The following PLXNA3 variants were observed in gnomAD, a reference collection of about 807,000 sequenced individuals.
PLXNA3 encodes the protein plexin-A3.
A neutral mutation model predicts 118.8 loss-of-function variants in PLXNA3; 52 were observed. The ratio of observed to expected loss-of-function variants is 0.44; its 90% CI spans 0.35 to 0.55. The LOEUF (loss-of-function observed/expected upper bound fraction) is 0.55, where lower values mean the gene tolerates loss of function less well. PLXNA3 is among the 20% of genes least tolerant of loss of function. PLXNA3 has a pLI of 0.01. For synonymous variants in PLXNA3, 925 were observed against 762.4 expected (o/e 1.21, Z -3.51); for missense variants, 1,660 against 1,730.8 (o/e 0.96, Z 0.73).
chrX:154,461,995 A>G (rs1396589106), intron 3 of PLXNA3, 133 bp from the exon 4 acceptor site: 5 of 522,517 alleles, frequency 9.6e-6, no homozygotes, highest in African/African-American at 7.1e-5. Context: ...GGAGCACCCT[A>G]GGGCGAGCAG....
chrX:154,466,470 G>C lies in PLXNA3; in HGVS notation c.2894G>C (p.Arg965Thr). The C allele has an allele frequency of 2.5e-6, 3 of 1,210,529 alleles. No homozygotes were observed. Among genetic ancestry groups the C allele is most frequent in the Non-Finnish European group, 3.4e-6 (3 of 895,002 alleles). ...GGCAGCTCTCTGGATGCTGGCAGCA[G>C]GGTCACAGTGACTGTGAGGGACAGC... Reference protein sequence around the residue: ...ISGSSLDAGSRVTVTVRDSEC... With the variant: ...ISGSSLDAGSTVTVTVRDSEC... Residue 965 changes from arginine (R) to threonine (T), a missense_variant, in exon 16 of 33, where the codon AGG becomes ACG. Physicochemically the swap from Arg to Thr is moderately conservative, Grantham distance 71 (BLOSUM62 -1). This residue lies in a region of PLXNA3 where 869 missense variants were observed against 1,078.7 expected (regional missense o/e 0.81). Transcript: ENST00000369682.
chrX:154,464,515 C>A lies in PLXNA3; in HGVS notation c.1928+14C>A. On this transcript the variant is annotated intron_variant, in intron 9 of 32. Coordinates refer to ENST00000369682, the MANE Select transcript of PLXNA3 (RefSeq NM_017514.5). Reference sequence around the variant, plus strand: ...CGTCCTCCAGTCGTGAGTACCTGGCCAGCACCCGTCCCTACCCCTGGGGAT... The same window carrying A: ...CGTCCTCCAGTCGTGAGTACCTGGCAAGCACCCGTCCCTACCCCTGGGGAT... 1 of 1,171,425 alleles carries A rather than the reference C, an allele frequency of 8.5e-7. No individual in the cohort carries two copies. The highest frequency in any genetic ancestry group is 1.2e-6 in the Non-Finnish European group (1 of 859,881).
chrX:154,472,478 A>G, intron 32 of PLXNA3, 112 bp from the exon 33 acceptor site: 1 of 529,273 alleles, frequency 1.9e-6, no homozygotes, highest in Non-Finnish European at 3.4e-6. Flanking sequence ...GCGGGGGAGG[A>G]CGGAGGGATG....
chrX:154,463,462 C>G lies in PLXNA3; in HGVS notation c.1389C>G (p.Leu463=). ...CCGTGGTGGATGGCAGCCCCATCCT[C>G]CGAGACCTGCTCTTCAGCCCGGACC... ...TVPVVDGSPI[L]RDLLFSPDHR... is the part of the protein sequence containing the mutation. The change falls in exon 5 of 33, where the codon CTC becomes CTG. Residue 463 remains leucine (L), a synonymous_variant. Transcript: ENST00000369682. The G allele has an allele frequency of 8.3e-7, 1 of 1,209,514 alleles. No homozygotes were observed. Among genetic ancestry groups the G allele is most frequent in the Non-Finnish European group, 1.1e-6 (1 of 894,858 alleles).
rs1557207291 is a variant in PLXNA3, at chrX:154,466,744, A to T, written c.3058A>T (p.Thr1020Ser). 5 of 1,194,277 alleles carry T rather than the reference A, an allele frequency of 4.2e-6. No individual in the cohort carries two copies. The highest frequency in any genetic ancestry group is 5.6e-6 in the Non-Finnish European group (5 of 886,838). Residue 1020 changes from threonine (T) to serine (S), a missense_variant, in exon 17 of 33, where the codon ACT (threonine) becomes TCT (serine). By Grantham distance (58) the Thr-to-Ser change is moderately conservative. This residue lies in a region of PLXNA3 where 869 missense variants were observed against 1,078.7 expected (regional missense o/e 0.81). Coordinates refer to ENST00000369682, the MANE Select transcript of PLXNA3 (RefSeq NM_017514.5). ...ISSPGLIYTY[T>S]QDPTVTRLEP... ...CAGCCCCGGGCTCATCTACACCTACACTCAGGACCCCACCGTCACCCGCCT... is the reference window on the plus strand; with the variant it reads ...CAGCCCCGGGCTCATCTACACCTACTCTCAGGACCCCACCGTCACCCGCCT...
At chrX:154,461,007 A>G in intron 2 of PLXNA3, 92 bp from the exon 3 acceptor site, 1 of 849,056 alleles carries the variant, frequency 1.2e-6, no homozygotes. Context: ...GTGATCATCC[A>G]GGCGGGAGGG....
chrX:154,469,954 G>A, intron 28 of PLXNA3, 23 bp from the exon 29 acceptor site: 1 of 1,205,492 alleles, frequency 8.3e-7, no homozygotes. Flanking sequence ...TGGCCTAAGG[G>A]TCACATGCAT....
Position 154,476,111 on chromosome X carries a change from A to G in PLXNA3, c.*3426A>G, listed in dbSNP as rs1406942280. ...GGCTGCAGTGAGCTGTGATTGTGCCAGCCTAGGTGACAGAGCCAGACCCTG... is the reference window on the plus strand; with the variant it reads ...GGCTGCAGTGAGCTGTGATTGTGCCGGCCTAGGTGACAGAGCCAGACCCTG... On this transcript the variant is annotated 3_prime_UTR_variant, in exon 33 of 33. Coordinates refer to ENST00000369682, the MANE Select transcript of PLXNA3 (RefSeq NM_017514.5). The G allele has an allele frequency of 9.0e-6, 1 of 111,682 alleles. No individual in the cohort carries two copies. The highest frequency in any genetic ancestry group is 1.9e-5 in the Non-Finnish European group (1 of 53,069). 9.2% of individuals were successfully genotyped at this position (111,682 alleles called of 1,213,427 possible). A position where few individuals can be genotyped will look rare whatever the true frequency, so the allele number is the denominator to read the frequency against.
chrX:154,462,419 G>A (rs1156290904), intron 4 of PLXNA3, 109 bp downstream of exon 4: 6 of 609,351 alleles, frequency 9.8e-6, no homozygotes, highest in Non-Finnish European at 1.4e-5. Context: ...AGAGGACACG[G>A]CTGGTGCAGG....
chrX:154,460,916 C>T (rs1014644066), intron 2 of PLXNA3, 139 bp downstream of exon 2: 47 of 622,524 alleles, frequency 7.5e-5, no homozygotes, highest in Non-Finnish European at 1.1e-4. Context: ...GGATGACAGC[C>T]TGAACCCAGG....
rs1557208379 is a variant in PLXNA3, at chrX:154,468,816, G to T, written c.4288-7G>T. ...GCAGCCAGCTGTGCACCTGTCCCTG[G>T]CTGCAGGAGTGTGCTGGGGAGCCTC... On this transcript the variant is annotated splice_region_variant and splice_polypyrimidine_tract_variant and intron_variant, in intron 24 of 32. Coordinates refer to ENST00000369682, the MANE Select transcript of PLXNA3 (RefSeq NM_017514.5). 2.5e-6 allele frequency: 3 copies of T among 1,210,132 alleles called. No individual in the cohort carries two copies. Among genetic ancestry groups the T allele is most frequent in the East Asian group, 5.9e-5 (2 of 33,781 alleles).
Position 154,460,480 on chromosome X carries a change from G to C in PLXNA3, c.297G>C (p.Leu99=). The part of the protein sequence containing the change: ...RLAPVDNINK[L]LLIDYAARRL... ...CCCCCGTGGACAACATCAACAAGCTGCTGCTCATAGACTATGCGGCCCGCC... is the reference window on the plus strand; with the variant it reads ...CCCCCGTGGACAACATCAACAAGCTCCTGCTCATAGACTATGCGGCCCGCC... The change falls in exon 2 of 33, where the codon CTG becomes CTC. Residue 99 remains leucine, a synonymous_variant. Transcript: ENST00000369682. 1 of 1,208,016 alleles carries C rather than the reference G, an allele frequency of 8.3e-7. No individual in the cohort carries two copies. Among genetic ancestry groups the C allele is most frequent in the Non-Finnish European group, 1.1e-6 (1 of 893,309 alleles).
intron 6 of PLXNA3, 102 bp downstream of exon 6, chrX:154,463,792 C>G: frequency 1.0e-6 from 1 of 974,226 alleles, no homozygotes; most frequent in South Asian, 2.2e-5. Flanking sequence ...CGCCCTCCTC[C>G]ACTTTCTCCA....
intron 11 of PLXNA3, 51 bp from the exon 12 acceptor site, chrX:154,465,373 G>T (rs957365141): frequency 7.3e-6 from 8 of 1,090,028 alleles, no homozygotes; most frequent in Non-Finnish European, 1.0e-5. Flanking sequence ...AAAATCTTGG[G>T]TAGGGGTTCT....
In PLXNA3 at chrX:154,467,286, C is replaced by T; in HGVS notation, c.3256C>T (p.Leu1086Phe). Reference sequence around the variant, plus strand: ...GCTGTGTAAGGCCCCCGGCATCTTTCTTGGGCGGCCCCAGCCTCGGGCGCA... The same window carrying T: ...GCTGTGTAAGGCCCCCGGCATCTTTTTTGGGCGGCCCCAGCCTCGGGCGCA... ...AMLCKAPGIF[L>F]GRPQPRAQGE... The change falls in exon 19 of 33, where the codon CTT becomes TTT. Residue 1086 changes from leucine (L) to phenylalanine (F), a missense_variant. Transcript: ENST00000369682. The T allele has an allele frequency of 1.7e-6, 2 of 1,209,428 alleles. No homozygotes were observed. Among genetic ancestry groups the T allele is most frequent in the Non-Finnish European group, 2.2e-6 (2 of 895,324 alleles).
chrX:154,465,028 A>G lies in PLXNA3; in HGVS notation c.2054A>G (p.Glu685Gly). Reference protein sequence around the residue: ...GRVHSPEGCPEILPSGDLLIP... With the variant: ...GRVHSPEGCPGILPSGDLLIP... ...GTGCTTTCCCCGCAGGGCTGCCCTG[A>G]GATCCTGCCCAGTGGGGACCTCCTG... Residue 685 changes from glutamate to glycine, a missense_variant, in exon 11 of 33, where the codon GAG becomes GGG. This residue lies in a region of PLXNA3 where 791 missense variants were observed against 652.1 expected (regional missense o/e 1.21). Transcript: ENST00000369682. 8.3e-7 allele frequency: 1 copy of G among 1,202,608 alleles called. No homozygotes were observed. Among genetic ancestry groups the G allele is most frequent in the African/African-American group, 1.7e-5 (1 of 57,639 alleles).
In PLXNA3 at chrX:154,466,968, G is replaced by T. The variant is rs782623832; in HGVS notation, c.3108-89G>T. On this transcript the variant is annotated intron_variant, in intron 17 of 32. Transcript: ENST00000369682. ...ACTAGGCGATCCAGGGTCAGGGAAG[G>T]CCTGGGCTGCCATGGCAGCCTTGAT... 1.8e-4 allele frequency: 170 copies of T among 932,869 alleles called. No individual in the cohort carries two copies. In the African/African-American group the frequency reaches 2.4e-3, roughly 13 times the overall value. The allele number at this position is 932,869 out of a possible 1,213,427, so 76.9% of individuals were successfully genotyped here. A position where few individuals can be genotyped will look rare whatever the true frequency, so the allele number is the denominator to read the frequency against.
intron 11 of PLXNA3, 34 bp from the exon 12 acceptor site, chrX:154,465,390 C>T (rs782529914): frequency 4.4e-6 from 5 of 1,135,944 alleles, no homozygotes; most frequent in Non-Finnish European, 6.0e-6. Context: ...TTCTGCACAT[C>T]TTATCTGGGG....
chrX:154,463,312 C>T lies in PLXNA3; in HGVS notation c.1318-79C>T, dbSNP rs1208228166. The stretch of plus-strand genomic sequence containing the variant: ...GTCCTGACGTCAGCTCAGCCACAAC[C>T]TCCAAAGTCTTTGGCTGGAGAAGAC... On this transcript the variant is annotated intron_variant, in intron 4 of 32. Coordinates refer to ENST00000369682, the MANE Select transcript of PLXNA3 (RefSeq NM_017514.5). The T allele has an allele frequency of 1.2e-5, 14 of 1,185,296 alleles. No individual in the cohort carries two copies. The East Asian group carries it at 1.8e-4, about 15-fold the overall frequency.
Sources: gnomAD v4.1 joint callset for allele counts on GRCh38, gnomAD v4.1.1 for gene constraint, gnomAD v4.1.1 regional missense constraint, MANE v1.5 for transcripts, NCBI Gene and HGNC (gene_info 2026-07-23, HGNC 2026-07-21) for gene names.